The following GREB1L variants were observed in gnomAD, a reference collection of about 807,000 sequenced individuals.
GREB1L encodes the protein GREB1 like retinoic acid receptor coactivator.
Under a neutral mutation model 200.8 loss-of-function variants are expected in GREB1L, and 17 were observed. The observed-to-expected ratio is 0.08, with a 90% CI of 0.06 to 0.13. The LOEUF (loss-of-function observed/expected upper bound fraction) is 0.13, where lower values mean the gene tolerates loss of function less well. Ranked by LOEUF, GREB1L falls within the 10% of genes least tolerant of loss-of-function variation. The probability of loss-of-function intolerance (pLI) is 1.00; values close to 1 mark genes in which losing one functional copy is unlikely to be tolerated. For missense variants in GREB1L, 1,657 were observed against 2,367.7 expected (o/e 0.70, Z 6.23); for synonymous variants, 789 against 893.0 (o/e 0.88, Z 2.08).
chr18:21,379,497 G>A (rs1382144474), intron 2 of GREB1L, among the ~76,000 whole-genome samples: 2 of 152,178 alleles, frequency 1.3e-5, no homozygotes, highest in African/African-American at 2.4e-5. Flanking sequence ...GAGCCACCAC[G>A]CCAGGAGGTT....
intron 1 of GREB1L, among the ~76,000 whole-genome samples, chr18:21,300,401 A>G (rs554464357): frequency 1.3e-5 from 2 of 152,376 alleles, no homozygotes; most frequent in Admixed American, 1.3e-4. Context: ...TGATTTAGGA[A>G]GAAATTATAC....
intron 4 of GREB1L, 46 bp downstream of exon 4, chr18:21,384,449 T>G: frequency 7.1e-7 from 1 of 1,414,302 alleles, no homozygotes; most frequent in Non-Finnish European, 9.6e-7. Flanking sequence ...TCTCTAATAT[T>G]GTCTGACATA....
chr18:21,473,803 T>G (rs917286405), intron 16 of GREB1L, among the ~76,000 whole-genome samples: 13 of 152,138 alleles, frequency 8.5e-5, no homozygotes, highest in Non-Finnish European at 1.6e-4. Context: ...AGAGGTTTCA[T>G]TGGACTCACA....
chr18:21,436,245 A>C (rs956391323), intron 7 of GREB1L, among the ~76,000 whole-genome samples: 12 of 152,150 alleles, frequency 7.9e-5, no homozygotes, highest in Admixed American at 7.2e-4. Flanking sequence ...ATAATTCAGG[A>C]CTGATGGTAT....
intron 15 of GREB1L, among the ~76,000 whole-genome samples, chr18:21,457,297 G>C (rs1237013660): frequency 6.6e-6 from 1 of 151,656 alleles, no homozygotes; most frequent in Non-Finnish European, 1.5e-5. Context: ...CATTGTAATA[G>C]ACATGTTTGG....
intron 1 of GREB1L, among the ~76,000 whole-genome samples, chr18:21,343,717 G>C (rs1598676214): frequency 6.6e-6 from 1 of 150,588 alleles, no homozygotes. Flanking sequence ...GGAGCAGAAG[G>C]TTGAGAAGAG....
At chr18:21,438,583 C>T (rs553673810) in intron 7 of GREB1L, among the ~76,000 whole-genome samples, 5 of 151,926 alleles carry the variant, frequency 3.3e-5, no homozygotes, top group South Asian at 4.2e-4. Context: ...GCAGGAGAAT[C>T]GTTCAAGCCT....
At chr18:21,289,777 C>G (rs1237195877) in intron 1 of GREB1L, among the ~76,000 whole-genome samples, 1 of 152,038 alleles carries the variant, frequency 6.6e-6, no homozygotes, top group Non-Finnish European at 1.5e-5. Context: ...GCAATTAAAT[C>G]AGAATTGTAT....
intron 11 of GREB1L, among the ~76,000 whole-genome samples, chr18:21,447,949 G>C (rs530034394): frequency 6.6e-6 from 1 of 152,070 alleles, no homozygotes; most frequent in Non-Finnish European, 1.5e-5. Context: ...GGATACTTGA[G>C]GTCAGGAGTT....
intron 1 of GREB1L, among the ~76,000 whole-genome samples, chr18:21,305,271 GC>G (rs1280067505): frequency 6.6e-6 from 1 of 152,034 alleles, no homozygotes; most frequent in African/African-American, 2.4e-5. Flanking sequence ...ACTGTACCCG[GC>G]CCCTATGTTA....
rs1204172231 is a variant in GREB1L, at chr18:21,524,631, A to G, written c.*1810A>G. 1 of 152,188 alleles carries G rather than the reference A, an allele frequency of 6.6e-6. No homozygotes were observed. The highest frequency in any genetic ancestry group is 6.5e-5 in the Admixed American group (1 of 15,278). The allele number at this position is 152,188 out of a possible 1,614,324, so 9.4% of individuals were successfully genotyped here. On this transcript the variant is annotated 3_prime_UTR_variant, in exon 33 of 33. Transcript: ENST00000424526. Reference sequence around the variant, plus strand: ...TTACATAGGGCAAATAAAATACTTGAAAGAATTCTGAAACAATTGTACCTG... The same window carrying G: ...TTACATAGGGCAAATAAAATACTTGGAAGAATTCTGAAACAATTGTACCTG...
At chr18:21,386,920 G>T (rs1450940209) in intron 4 of GREB1L, among the ~76,000 whole-genome samples, 2 of 152,152 alleles carry the variant, frequency 1.3e-5, no homozygotes, top group African/African-American at 4.8e-5. Context: ...GCAATATACT[G>T]CCTGAACCTA....
intron 17 of GREB1L, among the ~76,000 whole-genome samples, chr18:21,484,998 CA>C (rs1264125366): frequency 3.3e-5 from 5 of 152,104 alleles, no homozygotes; most frequent in African/African-American, 1.2e-4. Flanking sequence ...TAAGGATAAG[CA>C]ACTTGTCACA....
intron 11 of GREB1L, among the ~76,000 whole-genome samples, 199 bp downstream of exon 11, chr18:21,444,608 CT>C (rs1479826990): frequency 3.9e-5 from 6 of 152,090 alleles, no homozygotes; most frequent in Non-Finnish European, 7.3e-5. Flanking sequence ...TTCCTTTCCT[CT>C]TCTTTGGGTC....
chr18:21,482,694 G>T (rs1250522319), intron 17 of GREB1L, among the ~76,000 whole-genome samples: 3 of 145,382 alleles, frequency 2.1e-5, no homozygotes, highest in Non-Finnish European at 4.5e-5. Context: ...AGCAGCTGGT[G>T]TGGTTAGAAT....
intron 1 of GREB1L, among the ~76,000 whole-genome samples, chr18:21,344,458 T>C (rs943876952): frequency 6.6e-6 from 1 of 150,546 alleles, no homozygotes; most frequent in African/African-American, 2.5e-5. Context: ...GTTAGACATT[T>C]GGCTTGTTTC....
At chr18:21,412,482 C>T (rs2031167772) in intron 7 of GREB1L, among the ~76,000 whole-genome samples, 1 of 152,154 alleles carries the variant, frequency 6.6e-6, no homozygotes, top group African/African-American at 2.4e-5. Context: ...CAGATGTCTA[C>T]ACCTAGCACT....
chr18:21,289,016 G>T (rs1335228066), intron 1 of GREB1L, among the ~76,000 whole-genome samples: 3 of 152,072 alleles, frequency 2.0e-5, no homozygotes, highest in Non-Finnish European at 4.4e-5. Context: ...GATTACAGGC[G>T]TGAGCCACTG....
At chr18:21,495,046 G>C (rs1032288611) in intron 19 of GREB1L, among the ~76,000 whole-genome samples, 12 of 151,870 alleles carry the variant, frequency 7.9e-5, no homozygotes, top group Non-Finnish European at 1.8e-4. Flanking sequence ...GTTTCGTTTT[G>C]TTGTTTTTTT....
Sources: gnomAD v4.1 joint callset for allele counts (sites outside exome capture counted in the v4.1 genomes callset) on GRCh38, gnomAD v4.1.1 for gene constraint, MANE v1.5 for transcripts, NCBI Gene and HGNC (gene_info 2026-07-23, HGNC 2026-07-21) for gene names.